Variants in GATAD2B observed in about 807,000 individuals in gnomAD.
The protein encoded by GATAD2B is transcriptional repressor p66-beta.
Under a neutral mutation model 64.3 loss-of-function variants are expected in GATAD2B, and 8 were observed. The ratio of observed to expected loss-of-function variants is 0.12; its 90% confidence interval spans 0.07 to 0.22. GATAD2B has a LOEUF of 0.22. Ranked by LOEUF, GATAD2B falls within the 10% of genes least tolerant of loss-of-function variation. GATAD2B has a pLI of 1.00. For synonymous variants in GATAD2B, 281 were observed against 271.3 expected (o/e 1.04, Z -0.35); for missense variants, 453 against 752.0 (o/e 0.60, Z 4.65).
intron 1 of GATAD2B, chr1:153,852,269 C>A: frequency 8.2e-7 from 1 of 1,212,918 alleles, no homozygotes; most frequent in African/African-American, 1.5e-5. Flanking sequence ...AAGATTCCTT[C>A]ATTTTCTGCA....
At chr1:153,812,182 C>G (rs1286746292) in intron 8 of GATAD2B, 50 bp from the exon 9 acceptor site, 1 of 937,246 alleles carries the variant, frequency 1.1e-6, no homozygotes, top group African/African-American at 2.0e-5. Flanking sequence ...CACCCAATAC[C>G]CAATTTCCTT....
intron 2 of GATAD2B, among the ~76,000 whole-genome samples, chr1:153,822,582 G>A (rs1674721618): frequency 6.6e-6 from 1 of 151,966 alleles, no homozygotes; most frequent in Admixed American, 6.6e-5. Flanking sequence ...GTGCAATCTC[G>A]GCGCACTGCA....
In GATAD2B at chr1:153,889,964, G is replaced by A. The variant is rs181658939; in HGVS notation, c.-2+32769C>T. On this transcript the variant is annotated intron_variant, in intron 1 of 10. Transcript: ENST00000368655. Reference sequence around the variant, plus strand: ...CAAGGTGGGCAGATCACCTGAGGTCGGGAGTTGGAGACCAGCCTGACTAAC... The same window carrying A: ...CAAGGTGGGCAGATCACCTGAGGTCAGGAGTTGGAGACCAGCCTGACTAAC... Among the ~76,000 whole-genome samples, 535 of 151,748 alleles carry A rather than the reference G, an allele frequency of 3.5e-3. 8 individuals carry two copies. The highest frequency in any genetic ancestry group is 0.012 in the African/African-American group (506 of 41,386).
In GATAD2B at chr1:153,805,960, A is replaced by G. The variant is rs1225541106; in HGVS notation, c.*4217T>C. 2 of 152,134 alleles carry G rather than the reference A, an allele frequency of 1.3e-5. No homozygotes were observed. Among genetic ancestry groups the G allele is most frequent in the African/African-American group, 4.8e-5 (2 of 41,398 alleles). The allele number at this position is 152,134 out of a possible 1,614,324, so 9.4% of individuals were successfully genotyped here. On this transcript the variant is annotated 3_prime_UTR_variant, in exon 11 of 11. Transcript: ENST00000368655. Reference sequence around the variant, plus strand: ...AGATGGATGTGGCTCTCACTAGGTGAAATTTCCTCAGGATGACTTATTAAA... The same window carrying G: ...AGATGGATGTGGCTCTCACTAGGTGGAATTTCCTCAGGATGACTTATTAAA...
At chr1:153,822,838 G>C (rs1674731058) in intron 2 of GATAD2B, among the ~76,000 whole-genome samples, 1 of 151,906 alleles carries the variant, frequency 6.6e-6, no homozygotes, top group South Asian at 2.1e-4. Context: ...TTTGAGACAG[G>C]GTCTCACTCT....
intron 1 of GATAD2B, among the ~76,000 whole-genome samples, chr1:153,880,788 GAGC>G (rs1177152153): frequency 1.3e-5 from 2 of 151,866 alleles, no homozygotes; most frequent in Admixed American, 1.3e-4. Flanking sequence ...AGGTTGCAGT[GAGC>G]CGTGATCACA....
intron 1 of GATAD2B, among the ~76,000 whole-genome samples, chr1:153,896,624 TG>T (rs1208716558): frequency 2.0e-5 from 3 of 151,782 alleles, no homozygotes; most frequent in African/African-American, 7.3e-5. Flanking sequence ...TTAGTAGACA[TG>T]GGGTTTCTCC....
chr1:153,871,530 T>G (rs1049949618), intron 1 of GATAD2B, among the ~76,000 whole-genome samples: 12 of 151,900 alleles, frequency 7.9e-5, no homozygotes, highest in Admixed American at 6.6e-4. Context: ...AACAGCCTCT[T>G]AAATTTATTA....
chr1:153,871,472 G>A (rs953265531), intron 1 of GATAD2B, among the ~76,000 whole-genome samples: 2 of 152,244 alleles, frequency 1.3e-5, no homozygotes, highest in Admixed American at 1.3e-4. Flanking sequence ...AAAGTGCTGG[G>A]ATTACAGGTG....
chr1:153,815,501 C>A (rs1239543579), intron 7 of GATAD2B, among the ~76,000 whole-genome samples: 1 of 151,624 alleles, frequency 6.6e-6, no homozygotes, highest in Non-Finnish European at 1.5e-5. Context: ...TATTTGAGGA[C>A]CCCCTTCACC....
chr1:153,917,251 C>G (rs940769119), intron 1 of GATAD2B, among the ~76,000 whole-genome samples: 2 of 150,344 alleles, frequency 1.3e-5, no homozygotes, highest in African/African-American at 4.9e-5. Context: ...GCAACTGCCA[C>G]CATGTCTGGC....
intron 1 of GATAD2B, among the ~76,000 whole-genome samples, chr1:153,902,453 T>G (rs1677807943): frequency 6.6e-6 from 1 of 152,094 alleles, no homozygotes; most frequent in African/African-American, 2.4e-5. Context: ...AGTATTATAA[T>G]TATTGTATTC....
rs188383645 is a variant in GATAD2B, at chr1:153,861,338, G to A, written c.-1-32990C>T. On this transcript the variant is annotated intron_variant, in intron 1 of 10. Coordinates refer to ENST00000368655, the MANE Select transcript of GATAD2B (RefSeq NM_020699.4). Reference sequence around the variant, plus strand: ...AGGCCAACGCAGGAGGATCACTTAAGGCCAGGAGTTCAAGACCAGCCTGGG... The same window carrying A: ...AGGCCAACGCAGGAGGATCACTTAAAGCCAGGAGTTCAAGACCAGCCTGGG... Among the ~76,000 whole-genome samples, 30 of 152,088 alleles carry A rather than the reference G, an allele frequency of 2.0e-4. No homozygotes were observed. In the East Asian group the frequency reaches 5.8e-3, roughly 29 times the overall value.
intron 1 of GATAD2B, among the ~76,000 whole-genome samples, chr1:153,917,038 C>G (rs1182591530): frequency 6.7e-6 from 1 of 150,182 alleles, no homozygotes; most frequent in Non-Finnish European, 1.5e-5. Context: ...GAACTCCTGA[C>G]CTCGTGATCT....
intron 8 of GATAD2B, 53 bp from the exon 9 acceptor site, chr1:153,812,185 A>AT: frequency 1.1e-6 from 1 of 874,272 alleles, no homozygotes; most frequent in Non-Finnish European, 1.7e-6. Context: ...CCAATACCCA[A>AT]TTTCCTTTTT....
intron 1 of GATAD2B, among the ~76,000 whole-genome samples, chr1:153,848,982 CT>C (rs1203366883): frequency 4.0e-5 from 6 of 151,310 alleles, no homozygotes; most frequent in Admixed American, 1.3e-4. Context: ...AACCCCCCCC[CT>C]CCCCCAGACT....
intron 1 of GATAD2B, among the ~76,000 whole-genome samples, chr1:153,885,649 C>G (rs537575207): frequency 4.0e-5 from 6 of 151,766 alleles, no homozygotes; most frequent in Admixed American, 1.3e-4. Context: ...GGGTGGATCA[C>G]GAGGAGATTG....
intron 1 of GATAD2B, chr1:153,886,461 T>C (rs1180287069): frequency 6.6e-6 from 1 of 151,930 alleles, no homozygotes; most frequent in Non-Finnish European, 1.5e-5. Flanking sequence ...TGACTGTATA[T>C]CCTTGGACTC....
chr1:153,815,303 A>AAAAAAAAAAAAAG (rs1557780311), intron 7 of GATAD2B, among the ~76,000 whole-genome samples: 3 of 148,810 alleles, frequency 2.0e-5, no homozygotes, highest in African/African-American at 7.4e-5. Context: ...CAAAAAAAAA[A>AAAAAAAAAAAAAG]AAAAGAAAAG....
Sources: allele counts gnomAD v4.1 joint callset (sites outside exome capture counted in the v4.1 genomes callset), GRCh38; gene constraint gnomAD v4.1.1; transcripts MANE v1.5; gene names NCBI Gene and HGNC (gene_info 2026-07-23, HGNC 2026-07-21).